The following CDH18 variants were observed in gnomAD, a reference collection of about 807,000 sequenced individuals.
CDH18 encodes the protein cadherin 18.
CDH18 carries 31 observed loss-of-function variants against 67.9 expected under a neutral mutation model. That is an observed-to-expected ratio of 0.46 (90% CI 0.34 to 0.62). The LOEUF (loss-of-function observed/expected upper bound fraction) is 0.62. Ranked by LOEUF, CDH18 falls within the 20% of genes least tolerant of loss-of-function variation. CDH18 has a pLI of 0.01. For missense variants in CDH18, 890 were observed against 975.5 expected (o/e 0.91, Z 1.17); for synonymous variants, 362 against 347.2 (o/e 1.04, Z -0.48).
intron 2 of CDH18, among the ~76,000 whole-genome samples, chr5:20,148,010 TTAAA>T (rs1353008564): frequency 6.6e-6 from 1 of 152,120 alleles, no homozygotes; most frequent in Non-Finnish European, 1.5e-5. Context: ...GTTTGCATGT[TTAAA>T]TATATACTTT....
At chr5:19,542,349 T>A (rs1750412753) in intron 9 of CDH18, among the ~76,000 whole-genome samples, 2 of 152,172 alleles carry the variant, frequency 1.3e-5, no homozygotes, top group South Asian at 4.1e-4. Flanking sequence ...TGCATCCACA[T>A]TGGAAAACAA....
At chr5:20,234,171 G>T (rs1297946404) in intron 2 of CDH18, among the ~76,000 whole-genome samples, 1 of 152,124 alleles carries the variant, frequency 6.6e-6, no homozygotes, top group Non-Finnish European at 1.5e-5. Flanking sequence ...GCATAAGTGT[G>T]ACCAGTTTAA....
At chr5:20,341,060 A>G (rs1580792594) in intron 1 of CDH18, among the ~76,000 whole-genome samples, 1 of 152,240 alleles carries the variant, frequency 6.6e-6, no homozygotes, top group Non-Finnish European at 1.5e-5. Flanking sequence ...CAACCACCAT[A>G]CTGGTTCAAA....
chr5:19,985,880 A>G (rs1799515317), intron 1 of CDH18, among the ~76,000 whole-genome samples: 1 of 152,162 alleles, frequency 6.6e-6, no homozygotes. Context: ...TAAGTTCAAT[A>G]TGTTTTATCC....
intron 2 of CDH18, among the ~76,000 whole-genome samples, chr5:20,230,186 G>A (rs1741954907): frequency 6.6e-6 from 1 of 152,082 alleles, no homozygotes; most frequent in Non-Finnish European, 1.5e-5. Context: ...AATTGCATGT[G>A]TATAACAGAA....
upstream of CDH18, among the ~76,000 whole-genome samples, chr5:19,992,494 G>C (rs775779170): frequency 6.7e-6 from 1 of 150,180 alleles, no homozygotes; most frequent in Non-Finnish European, 1.5e-5. Flanking sequence ...GATTTGTTGA[G>C]AATAAAGTAG....
intron 1 of CDH18, among the ~76,000 whole-genome samples, chr5:20,540,003 A>T (rs2126585085): frequency 6.6e-6 from 1 of 152,292 alleles, no homozygotes; most frequent in East Asian, 1.9e-4. Flanking sequence ...AACCTAATAA[A>T]CTGCCTAAAA....
At chr5:20,298,301 T>C (rs911504377) in intron 1 of CDH18, among the ~76,000 whole-genome samples, 1 of 152,164 alleles carries the variant, frequency 6.6e-6, no homozygotes, top group Non-Finnish European at 1.5e-5. Context: ...AATAAGTAAA[T>C]GAATTATATT....
intron 5 of CDH18, among the ~76,000 whole-genome samples, chr5:19,618,000 A>G (rs1457343456): frequency 6.6e-6 from 1 of 152,190 alleles, no homozygotes; most frequent in Non-Finnish European, 1.5e-5. Context: ...AAAAGAATCC[A>G]AGATGAAAAT....
At chr5:20,197,087 CT>C (rs1432745780) in intron 2 of CDH18, among the ~76,000 whole-genome samples, 1 of 152,170 alleles carries the variant, frequency 6.6e-6, no homozygotes, top group Non-Finnish European at 1.5e-5. Flanking sequence ...TCTCGGCTAA[CT>C]GGAACCTCCG....
At chr5:20,200,152 G>T (rs976173494) in intron 2 of CDH18, among the ~76,000 whole-genome samples, 1 of 152,158 alleles carries the variant, frequency 6.6e-6, no homozygotes, top group Non-Finnish European at 1.5e-5. Context: ...AGACTCTTTT[G>T]AATTTAGTTA....
intron 1 of CDH18, among the ~76,000 whole-genome samples, chr5:20,540,721 G>A (rs555849458): frequency 3.3e-5 from 5 of 152,274 alleles, no homozygotes; most frequent in South Asian, 4.1e-4. Flanking sequence ...TGTCAACTAC[G>A]AATATTTAGG....
intron 2 of CDH18, among the ~76,000 whole-genome samples, chr5:19,840,083 C>A (rs1461549332): frequency 6.7e-6 from 1 of 148,818 alleles, no homozygotes; most frequent in Non-Finnish European, 1.5e-5. Flanking sequence ...ACAGTGAAAC[C>A]CGTCTCTAGT....
intron 2 of CDH18, among the ~76,000 whole-genome samples, chr5:19,886,562 G>T (rs530899073): frequency 6.6e-6 from 1 of 151,998 alleles, no homozygotes; most frequent in Non-Finnish European, 1.5e-5. Context: ...GTGTTTCCTC[G>T]CAATCAATCT....
intron 2 of CDH18, among the ~76,000 whole-genome samples, chr5:20,033,675 A>C (rs939642028): frequency 6.6e-6 from 1 of 152,064 alleles, no homozygotes; most frequent in African/African-American, 2.4e-5. Context: ...GTTTCCATTT[A>C]CAACCAGGTT....
chr5:19,632,537 G>A (rs977983288), intron 5 of CDH18, among the ~76,000 whole-genome samples: 11 of 152,092 alleles, frequency 7.2e-5, no homozygotes, highest in African/African-American at 2.2e-4. Context: ...TCCAAACACA[G>A]GGCTATCTCT....
At chr5:20,411,480 T>C (rs1383381125) in intron 1 of CDH18, among the ~76,000 whole-genome samples, 3 of 151,988 alleles carry the variant, frequency 2.0e-5, no homozygotes, top group African/African-American at 7.2e-5. Flanking sequence ...GAACTCAAAA[T>C]GTAAAACTCT....
chr5:19,483,225 T>C, intron 12 of CDH18, 76 bp downstream of exon 12: 1 of 1,443,772 alleles, frequency 6.9e-7, no homozygotes. Context: ...GGATGCCTAA[T>C]CCTTAAGATT....
rs533267219 is a variant in CDH18 at position 20,150,780 on chromosome 5, A to C, written c.-518+104664T>G. ...TCTTAACTACAAGATTATAAGCCTC[A>C]TAATCAAAATGCATGTTTAAAGCTT... is the stretch of plus-strand genomic sequence containing the variant. On this transcript the variant is annotated intron_variant, in intron 2 of 14. Transcript: ENST00000507958. Among the ~76,000 whole-genome samples the C allele has an allele frequency of 5.3e-5, 8 of 152,198 alleles. No homozygotes were observed. In the East Asian group the frequency reaches 1.5e-3, roughly 29 times the overall value.
Sources: gnomAD v4.1 joint callset for allele counts (sites outside exome capture counted in the v4.1 genomes callset) on GRCh38, gnomAD v4.1.1 for gene constraint, MANE v1.5 for transcripts, NCBI Gene and HGNC (gene_info 2026-07-23, HGNC 2026-07-21) for gene names.